The following NYAP2 variants were observed in gnomAD, a reference collection of about 807,000 sequenced individuals.
The protein encoded by NYAP2 is neuronal tyrosine-phosphorylated phosphoinositide-3-kinase adaptor 2, also known as neuronal tyrosine-phosphorylated phosphoinositide-3-kinase adapter 2.
In NYAP2, 23 loss-of-function variants were observed where a neutral mutation model predicts 50.4. That is an observed-to-expected ratio of 0.46 (90% confidence interval 0.33 to 0.65). NYAP2 has a LOEUF of 0.65. Ranked by LOEUF, NYAP2 falls within the 30% of genes least tolerant of loss-of-function variation. NYAP2 has a pLI of 0.02. For synonymous variants in NYAP2, 394 were observed against 365.2 expected, an observed-to-expected ratio of 1.08 and a Z score of -0.90; for missense variants, 885 against 861.0, an observed-to-expected ratio of 1.03 and a Z score of -0.35.
At chr2:225,475,020 G>T (rs958332846) in intron 3 of NYAP2, among the ~76,000 whole-genome samples, 1 of 152,182 alleles carries the variant, frequency 6.6e-6, no homozygotes, top group Non-Finnish European at 1.5e-5. Context: ...AGGAAGATCA[G>T]TATTTCTGTT....
intron 3 of NYAP2, among the ~76,000 whole-genome samples, chr2:225,509,634 T>C (rs1015867154): frequency 6.6e-6 from 1 of 152,180 alleles, no homozygotes; most frequent in African/African-American, 2.4e-5. Flanking sequence ...GGGGCAGCTA[T>C]AAGTTGTTGT....
At chr2:225,411,440 A>G (rs1207564591) in intron 3 of NYAP2, among the ~76,000 whole-genome samples, 1 of 152,118 alleles carries the variant, frequency 6.6e-6, no homozygotes. Flanking sequence ...CAGCTTTGGT[A>G]TGACGATTTT....
intron 4 of NYAP2, among the ~76,000 whole-genome samples, chr2:225,545,743 T>C (rs1340210489): frequency 6.6e-6 from 1 of 152,154 alleles, no homozygotes; most frequent in Non-Finnish European, 1.5e-5. Context: ...ATGGTCTTTC[T>C]CCTGTCGATA....
the NYAP2 span, chr2:225,703,079 C>T: frequency 6.6e-6 from 1 of 151,686 alleles, no homozygotes; most frequent in East Asian, 1.9e-4. Context: ...AAACAAAGCA[C>T]AGTAAAGTCA....
intron 5 of NYAP2, among the ~76,000 whole-genome samples, chr2:225,620,219 T>G (rs1468789386): frequency 6.6e-6 from 1 of 152,250 alleles, no homozygotes; most frequent in Non-Finnish European, 1.5e-5. Flanking sequence ...TTCCTTGAGT[T>G]TTCAATATAT....
intron 3 of NYAP2, among the ~76,000 whole-genome samples, chr2:225,416,036 G>A (rs1695117072): frequency 6.6e-6 from 1 of 152,102 alleles, no homozygotes; most frequent in Non-Finnish European, 1.5e-5. Flanking sequence ...AGAAAACAAG[G>A]TTAATGTGTT....
At chr2:225,655,698 C>T (rs1442933364), downstream of NYAP2, among the ~76,000 whole-genome samples, 2 of 152,126 alleles carry the variant, frequency 1.3e-5, no homozygotes, top group Non-Finnish European at 2.9e-5. Flanking sequence ...GCCATCTATA[C>T]TCTTGCTGCA....
the NYAP2 span, among the ~76,000 whole-genome samples, chr2:225,681,275 TG>T: frequency 6.6e-6 from 1 of 152,102 alleles, no homozygotes; most frequent in South Asian, 2.1e-4. Flanking sequence ...AGATCACATA[TG>T]AAAAATTTTT....
intron 4 of NYAP2, among the ~76,000 whole-genome samples, chr2:225,538,455 C>T (rs113933835): frequency 2.0e-5 from 3 of 152,226 alleles, no homozygotes; most frequent in Non-Finnish European, 4.4e-5. Flanking sequence ...AGGTTTGAGG[C>T]TTGAACCCTC....
intron 3 of NYAP2, among the ~76,000 whole-genome samples, chr2:225,483,345 T>C (rs1434031489): frequency 6.6e-6 from 1 of 152,188 alleles, no homozygotes; most frequent in Non-Finnish European, 1.5e-5. Context: ...TATGCATAGT[T>C]TTTATGTAAA....
At chr2:225,409,772 A>G (rs978918180) in intron 3 of NYAP2, among the ~76,000 whole-genome samples, 36 of 152,040 alleles carry the variant, frequency 2.4e-4, no homozygotes, top group Admixed American at 3.9e-4. Flanking sequence ...ATATCTTTTG[A>G]TTTTTTAAAA....
intron 3 of NYAP2, among the ~76,000 whole-genome samples, chr2:225,437,233 C>A (rs1689394220): frequency 1.3e-5 from 2 of 152,152 alleles, no homozygotes; most frequent in South Asian, 4.1e-4. Context: ...TCATCCACAG[C>A]CACGTGGAAA....
chr2:225,408,791 G>C lies in NYAP2; in HGVS notation c.-17-73G>C. The stretch of plus-strand genomic sequence containing the variant: ...GCCATAATTATTGGAGTTTTGAGTT[G>C]TTAGGGATAATAAACAGCACCTTGC... On this transcript the variant is annotated intron_variant, in intron 2 of 6. Coordinates refer to ENST00000636099, the Ensembl canonical transcript of NYAP2. 4.0e-6 allele frequency: 3 copies of C among 755,538 alleles called. No individual in the cohort carries two copies. The South Asian group carries it at 5.2e-5, about 13-fold the overall frequency. 46.8% of individuals were successfully genotyped at this position (755,538 alleles called of 1,614,324 possible).
At chr2:225,588,790 G>T (rs946968847) in intron 5 of NYAP2, among the ~76,000 whole-genome samples, 1 of 152,138 alleles carries the variant, frequency 6.6e-6, no homozygotes, top group Non-Finnish European at 1.5e-5. Context: ...TGAGCAAGTT[G>T]ACCCGAACAG....
intron 4 of NYAP2, among the ~76,000 whole-genome samples, chr2:225,569,392 A>G (rs1032915306): frequency 6.6e-6 from 1 of 152,054 alleles, no homozygotes; most frequent in Non-Finnish European, 1.5e-5. Context: ...TAACAACTCA[A>G]TTCTGTGCTT....
chr2:225,445,043 C>T (rs115218772), intron 3 of NYAP2, among the ~76,000 whole-genome samples: 98 of 152,190 alleles, frequency 6.4e-4, no homozygotes, highest in Non-Finnish European at 1.2e-3. Context: ...GCTTATATAG[C>T]TAATCCACAG....
intron 3 of NYAP2, among the ~76,000 whole-genome samples, chr2:225,446,212 GTCTGTCTCTCTC>G (rs1689553277): frequency 2.3e-4 from 11 of 47,298 alleles, no homozygotes; most frequent in African/African-American, 6.2e-4. Context: ...CTGTCTGTCT[GTCTGTCTCTCTC>G]TCTCTCTCTC....
At chr2:225,692,179 C>A in the NYAP2 span, among the ~76,000 whole-genome samples, 4 of 152,034 alleles carry the variant, frequency 2.6e-5, no homozygotes, top group Admixed American at 2.0e-4. Context: ...GCACAAAAAT[C>A]AAAATCAATA....
At chr2:225,574,741 G>T (rs1050491620) in intron 4 of NYAP2, among the ~76,000 whole-genome samples, 1 of 152,040 alleles carries the variant, frequency 6.6e-6, no homozygotes, top group Non-Finnish European at 1.5e-5. Context: ...TCTACTTAAG[G>T]CTATGGTCAG....
Sources: gnomAD v4.1 joint callset for allele counts (sites outside exome capture counted in the v4.1 genomes callset) on GRCh38, gnomAD v4.1.1 for gene constraint, MANE v1.5 for transcripts, NCBI Gene and HGNC (gene_info 2026-07-23, HGNC 2026-07-21) for gene names.